The following FHOD1 variants were observed in gnomAD, a reference collection of about 807,000 sequenced individuals.
FHOD1 encodes the protein formin homology 2 domain containing 1.
A neutral mutation model predicts 111.6 loss-of-function variants in FHOD1; 89 were observed. The ratio of observed to expected loss-of-function variants is 0.80; its 90% confidence interval spans 0.67 to 0.95. The LOEUF (loss-of-function observed/expected upper bound fraction) is 0.95, where lower values mean the gene tolerates loss of function less well. Among genes scored for constraint, FHOD1 ranks in the 40% least tolerant of loss-of-function variants. The pLI is 0.00. For synonymous variants in FHOD1, 618 were observed against 639.0 expected (o/e 0.97, Z 0.50); for missense variants, 1,446 against 1,554.2 (o/e 0.93, Z 1.17).
At chr16:67,241,654 CAGACG>C (rs768494450) in intron 1 of FHOD1, among the ~76,000 whole-genome samples, 3 of 152,218 alleles carry the variant, frequency 2.0e-5, no homozygotes, top group African/African-American at 4.8e-5. Flanking sequence ...GGAAGACAGA[CAGACG>C]AGTCAGAAAA....
intron 11 of FHOD1, 143 bp from the exon 12 acceptor site, chr16:67,234,615 C>T: frequency 4.5e-6 from 3 of 662,962 alleles, no homozygotes; most frequent in Non-Finnish European, 7.9e-6. Flanking sequence ...CAGACCAGAA[C>T]CACACCCCCC....
chr16:67,231,859 C>T lies in FHOD1; in HGVS notation c.2203-40G>A. ...AGAGCCTGACATGGCCCCCTCAATG[C>T]AGGCCTGAGGCCTGAGGCATTGGTC... is the stretch of plus-strand genomic sequence containing the variant. On this transcript the variant is annotated intron_variant, in intron 14 of 21. Coordinates refer to ENST00000258201, the MANE Select transcript of FHOD1 (RefSeq NM_013241.3). The surrounding 1 kb of genome is among the most constrained non-coding windows in gnomAD (Gnocchi z 4.3). The T allele has an allele frequency of 1.9e-6, 3 of 1,598,562 alleles. No individual in the cohort carries two copies. Among genetic ancestry groups the T allele is most frequent in the South Asian group, 2.2e-5 (2 of 88,976 alleles).
chr16:67,230,655 T>A lies in FHOD1; in HGVS notation c.2804A>T (p.Gln935Leu), dbSNP rs1440812557. The A allele has an allele frequency of 3.1e-6, 5 of 1,614,042 alleles. No homozygotes were observed. The highest frequency in any genetic ancestry group is 4.2e-6 in the Non-Finnish European group (5 of 1,179,944). The change falls in exon 18 of 22, where the codon CAG (glutamine) becomes CTG (leucine). Residue 935 changes from glutamine to leucine, a missense_variant. This residue lies in a region of FHOD1 where 1,085 missense variants were observed against 1,108.8 expected (regional missense o/e 0.98). Transcript: ENST00000258201. ...TAGCATGGCAACACGGCGGGCACAC[T>A]GGTCCAGGAAGTGGGTGAGGCGGGC... ...LRARLTHFLD[Q>L]CARRVAMLRI...
chr16:67,243,191 C>T (rs949597008), intron 1 of FHOD1, among the ~76,000 whole-genome samples: 4 of 152,010 alleles, frequency 2.6e-5, no homozygotes, highest in Non-Finnish European at 4.4e-5. Context: ...TTAACTGCCT[C>T]TTTTGTCTCC....
chr16:67,236,892 G>C, intron 10 of FHOD1, 74 bp downstream of exon 10: 1 of 1,514,996 alleles, frequency 6.6e-7, no homozygotes, highest in Non-Finnish European at 8.8e-7. Context: ...AGGGGGTTGG[G>C]GTCAGGGCCT....
Position 67,230,422 on chromosome 16 carries a change from C to G in FHOD1, c.2943G>C (p.Arg981=). 6.2e-7 allele frequency: 1 copy of G among 1,614,224 alleles called. No homozygotes were observed. Among genetic ancestry groups the G allele is most frequent in the Admixed American group, 1.7e-5 (1 of 60,034 alleles). The part of the protein sequence containing the change: ...VRIMQFCHTL[R]EFALEYRTCR... ...AAGTCCGATACTCAAGCGCAAATTC[C>G]CGCAGCGTGTGGCAGAACTGCATGA... Residue 981 remains arginine (R), a synonymous_variant, in exon 19 of 22, where the codon CGG becomes CGC. Coordinates refer to ENST00000258201, the MANE Select transcript of FHOD1 (RefSeq NM_013241.3).
At position 67,239,462 on chromosome 16, in the gene FHOD1, C is replaced by A. The variant is rs765157973; in HGVS notation, c.202-8G>T. On this transcript the variant is annotated splice_region_variant and splice_polypyrimidine_tract_variant and intron_variant, in intron 1 of 21. Coordinates refer to ENST00000258201, the MANE Select transcript of FHOD1 (RefSeq NM_013241.3). ...CAGAGCACAATCCTCCAACTGGGGG[C>A]AAAGGGAACAGCTGTGAGACTGAGG... 53 of 1,604,940 alleles carry A rather than the reference C, an allele frequency of 3.3e-5. No individual in the cohort carries two copies. The East Asian group carries it at 1.1e-3, about 34-fold the overall frequency.
In FHOD1 at chr16:67,247,376, G is replaced by A. The variant is rs539343247; in HGVS notation, c.35C>T (p.Pro12Leu). The A allele has an allele frequency of 5.6e-6, 9 of 1,613,342 alleles. 1 individual carries two copies. In the South Asian group the frequency reaches 8.8e-5, roughly 16 times the overall value. The change falls in exon 1 of 22, where the codon CCG (proline) becomes CTG (leucine). Residue 12 changes from proline to leucine, a missense_variant. Physicochemically the swap from Pro to Leu is moderately conservative, Grantham distance 98. Around this residue, in one of 3 missense-constraint regions of FHOD1, gnomAD observed 127 missense variants for 118.0 expected, o/e 1.08. Transcript: ENST00000258201. ...CACCCTCACGGTCACCACTGATACC[G>A]GCTCTCCGTCCCCGCGGTCTTCCCC... ...AGGEDRGDGE[P>L]VSVVTVRVQY...
At chr16:67,243,587 G>A (rs796437915) in intron 1 of FHOD1, among the ~76,000 whole-genome samples, 8 of 152,200 alleles carry the variant, frequency 5.3e-5, no homozygotes, top group South Asian at 2.1e-4. Context: ...GAAAATCAGC[G>A]CATTGCCCCA....
chr16:67,233,841 G>T lies in FHOD1; in HGVS notation c.1862C>A (p.Pro621His). ...AAGTTTTACTGTCTTCCTCTTAGTG[G>T]GGAGGGCTGAGCTGTCAGGCACTGA... is the stretch of plus-strand genomic sequence containing the variant. ...PHSVPDSSAL[P>H]TKRKTVKLFW... Residue 621 changes from proline (P) to histidine (H), a missense_variant, in exon 13 of 22, where the codon CCC becomes CAC. By Grantham distance (77) the Pro-to-His change is moderately conservative. Transcript: ENST00000258201. 6.2e-7 allele frequency: 1 copy of T among 1,612,114 alleles called. No individual in the cohort carries two copies.
Position 67,230,007 on chromosome 16 carries a change from A to G in FHOD1, c.3215-17T>C. The G allele has an allele frequency of 2.5e-6, 4 of 1,613,314 alleles. No individual in the cohort carries two copies. The highest frequency in any genetic ancestry group is 3.4e-6 in the Non-Finnish European group (4 of 1,179,296). Reference sequence around the variant, plus strand: ...GGACCATGCCTGAGGAAGGCCAGATAGCAAAGTCAGGCCAAGGTGGCACTG... The same window carrying G: ...GGACCATGCCTGAGGAAGGCCAGATGGCAAAGTCAGGCCAAGGTGGCACTG... On this transcript the variant is annotated splice_polypyrimidine_tract_variant and intron_variant, in intron 20 of 21. Transcript: ENST00000258201.
Position 67,230,643 on chromosome 16 carries a change from C to G in FHOD1, c.2816G>C (p.Arg939Pro). The G allele has an allele frequency of 1.2e-6, 2 of 1,614,014 alleles. No homozygotes were observed. Among genetic ancestry groups the G allele is most frequent in the Non-Finnish European group, 1.7e-6 (2 of 1,179,896 alleles). Residue 939 changes from arginine to proline, a missense_variant, in exon 18 of 22, where the codon CGT becomes CCT. Physicochemically the swap from Arg to Pro is moderately radical, Grantham distance 103. This residue lies in a region of FHOD1 where 1,085 missense variants were observed against 1,108.8 expected (regional missense o/e 0.98). Transcript: ENST00000258201. ...GTGCACTATCCTTAGCATGGCAACA[C>G]GGCGGGCACACTGGTCCAGGAAGTG... is the stretch of plus-strand genomic sequence containing the variant. ...LTHFLDQCAR[R>P]VAMLRIVHRR...
rs538141236 is a variant in FHOD1 at position 67,238,709 on chromosome 16, G to A, written c.373+194C>T. ...TGGCATTGGAGGCATGAGCTACCACGCCTGGTCTATTCTAACATTCTTGAA... is the reference window on the plus strand; with the variant it reads ...TGGCATTGGAGGCATGAGCTACCACACCTGGTCTATTCTAACATTCTTGAA... On this transcript the variant is annotated intron_variant, in intron 3 of 21. Transcript: ENST00000258201. This position sits in a 1 kb window ranked among gnomAD's most constrained non-coding sequence, Gnocchi z 4.2. 3.5e-5 allele frequency: 23 copies of A among 665,152 alleles called. No individual in the cohort carries two copies. Among genetic ancestry groups the A allele is most frequent in the Admixed American group, 2.6e-4 (11 of 42,236 alleles). 41.2% of individuals were successfully genotyped at this position (665,152 alleles called of 1,614,324 possible).
Position 67,229,417 on chromosome 16 carries a change from C to T in FHOD1, c.*219G>A. 1 of 598,194 alleles carries T rather than the reference C, an allele frequency of 1.7e-6. No individual in the cohort carries two copies. The highest frequency in any genetic ancestry group is 4.4e-4 in the Middle Eastern group (1 of 2,276). 37.1% of individuals were successfully genotyped at this position (598,194 alleles called of 1,614,324 possible). A position where few individuals can be genotyped will look rare whatever the true frequency, so the allele number is the denominator to read the frequency against. ...GATTAGCTAAGAAAATTTTATTTTG[C>T]TCCGTGCGTTCAAGGAGCTCACACA... On this transcript the variant is annotated 3_prime_UTR_variant, in exon 22 of 22. Coordinates refer to ENST00000258201, the MANE Select transcript of FHOD1 (RefSeq NM_013241.3).
At position 67,234,086 on chromosome 16, in the gene FHOD1, G is replaced by A; in HGVS notation, c.1617C>T (p.Leu539=). 1 of 1,605,966 alleles carries A rather than the reference G, an allele frequency of 6.2e-7. No individual in the cohort carries two copies. ...IWELPTRAPR[L]SIGDLDFSDL... is the part of the protein sequence containing the mutation. ...CTGAAAAGTCCAGGTCCCCAATAGA[G>A]AGCCTGGGTGCACGGGTAGGGAGCT... Residue 539 remains leucine (L), a synonymous_variant, in exon 13 of 22, where the codon CTC becomes CTT. Transcript: ENST00000258201.
At chr16:67,233,177 C>G (rs1251841892) in intron 13 of FHOD1, among the ~76,000 whole-genome samples, 1 of 151,976 alleles carries the variant, frequency 6.6e-6, no homozygotes, top group Admixed American at 6.6e-5. Flanking sequence ...ACCTCTACCT[C>G]CCGGGTTCAA....
intron 1 of FHOD1, among the ~76,000 whole-genome samples, chr16:67,242,748 T>C (rs1162142270): frequency 6.6e-6 from 1 of 152,154 alleles, no homozygotes; most frequent in Non-Finnish European, 1.5e-5. Flanking sequence ...CACATTGGCC[T>C]CCAGCCCACT....
At chr16:67,234,540 G>T in intron 11 of FHOD1, 68 bp from the exon 12 acceptor site, 2 of 1,367,068 alleles carry the variant, frequency 1.5e-6, no homozygotes, top group South Asian at 1.2e-5. Flanking sequence ...GCCTTGCTGA[G>T]CCCCTGGACA....
Position 67,238,670 on chromosome 16 carries a change from A to G in FHOD1, c.374-223T>C, listed in dbSNP as rs2142292222. 1 of 659,506 alleles carries G rather than the reference A, an allele frequency of 1.5e-6. No individual in the cohort carries two copies. The highest frequency in any genetic ancestry group is 2.7e-5 in the East Asian group (1 of 36,672). 40.9% of individuals were successfully genotyped at this position (659,506 alleles called of 1,614,324 possible). ...AGCCTCAAGCAATTCTCCCACCTTG[A>G]CCTCTCAAAGCACTGGCATTGGAGG... On this transcript the variant is annotated intron_variant, in intron 3 of 21. Transcript: ENST00000258201. The surrounding 1 kb of genome is among the most constrained non-coding windows in gnomAD (Gnocchi z 4.2).
Sources: allele counts gnomAD v4.1 joint callset (sites outside exome capture counted in the v4.1 genomes callset), GRCh38; gene constraint gnomAD v4.1.1; regional missense constraint gnomAD v4.1.1; non-coding constraint Gnocchi (gnomAD v3.1); transcripts MANE v1.5; gene names NCBI Gene and HGNC (gene_info 2026-07-23, HGNC 2026-07-21).